GPC6: variants seen among roughly 807,000 people sequenced by gnomAD.
GPC6 encodes glypican 6.
GPC6 carries 14 observed loss-of-function variants against 55.2 expected under a neutral mutation model. That is an observed-to-expected ratio of 0.25 (90% CI 0.17 to 0.40). The LOEUF is 0.40. GPC6 is among the 10% of genes least tolerant of loss of function. GPC6 has a pLI of 1.00. For missense variants in GPC6, 641 were observed against 708.5 expected (o/e 0.90, Z 1.08); for synonymous variants, 278 against 259.6 (o/e 1.07, Z -0.68).
intron 3 of GPC6, among the ~76,000 whole-genome samples, chr13:93,995,810 A>G (rs956149199): frequency 6.6e-6 from 1 of 152,176 alleles, no homozygotes; most frequent in Non-Finnish European, 1.5e-5. Context: ...TGGGGATAGG[A>G]AATGAATGTT....
At chr13:93,266,753 A>C (rs979822069) in intron 1 of GPC6, among the ~76,000 whole-genome samples, 1 of 152,216 alleles carries the variant, frequency 6.6e-6, no homozygotes, top group Admixed American at 6.5e-5. Flanking sequence ...GAATTTAAGG[A>C]GATTAAATGT....
At chr13:93,896,963 T>C (rs1015604196) in intron 3 of GPC6, among the ~76,000 whole-genome samples, 12 of 150,104 alleles carry the variant, frequency 8.0e-5, no homozygotes, top group African/African-American at 2.9e-4. Context: ...CTGGATAGAA[T>C]GTGGGTTTAA....
At chr13:93,584,337 T>TG (rs560293170) in intron 2 of GPC6, among the ~76,000 whole-genome samples, 28 of 152,254 alleles carry the variant, frequency 1.8e-4, no homozygotes, top group South Asian at 1.7e-3. Flanking sequence ...CAGGTATCTT[T>TG]GGGGGGGTCC....
chr13:94,278,305 C>G (rs896249170), intron 4 of GPC6, among the ~76,000 whole-genome samples: 1 of 152,016 alleles, frequency 6.6e-6, no homozygotes, highest in Non-Finnish European at 1.5e-5. Context: ...AGACTTTGCT[C>G]AAGTTGCTTA....
chr13:93,521,255 A>G (rs190225179), intron 1 of GPC6, among the ~76,000 whole-genome samples: 1 of 152,098 alleles, frequency 6.6e-6, no homozygotes, highest in East Asian at 1.9e-4. Flanking sequence ...TAAGAGAGAT[A>G]CAGAAGTCTA....
intron 4 of GPC6, among the ~76,000 whole-genome samples, chr13:94,197,687 C>A (rs1185750379): frequency 2.0e-5 from 3 of 152,068 alleles, no homozygotes; most frequent in African/African-American, 4.8e-5. Flanking sequence ...TCAACATGTG[C>A]CTCTTTAGGG....
intron 1 of GPC6, among the ~76,000 whole-genome samples, chr13:93,357,933 T>C (rs1880908563): frequency 6.6e-6 from 1 of 152,194 alleles, no homozygotes; most frequent in African/African-American, 2.4e-5. Flanking sequence ...TGCATGTGTA[T>C]CTTTGAAGAA....
At chr13:93,571,150 G>C (rs1876385046) in intron 2 of GPC6, among the ~76,000 whole-genome samples, 1 of 152,036 alleles carries the variant, frequency 6.6e-6, no homozygotes, top group African/African-American at 2.4e-5. Context: ...GTATTGAGTG[G>C]AAGAGGTAAC....
rs529532664 is a variant in GPC6 at position 93,612,327 on chromosome 13, G to A, written c.319+66906G>A. ...ATTCTGGCTAACATGGTGAAACCCTGTCTCTACTAAAAATGCAAAAAATTA... is the reference window on the plus strand; with the variant it reads ...ATTCTGGCTAACATGGTGAAACCCTATCTCTACTAAAAATGCAAAAAATTA... On this transcript the variant is annotated intron_variant, in intron 2 of 8. Transcript: ENST00000377047. Among the ~76,000 whole-genome samples, 3 of 152,148 alleles carry A rather than the reference G, an allele frequency of 2.0e-5. No homozygotes were observed. In the South Asian group the frequency reaches 6.2e-4, roughly 32 times the overall value.
chr13:93,262,955 A>C lies in GPC6; in HGVS notation c.160+35339A>C, dbSNP rs546494455. ...AGAAAAGGGAGTGGAGGCATACTCAAGAGAGAGTCATACAAATGGAGTCTG... is the reference window on the plus strand; with the variant it reads ...AGAAAAGGGAGTGGAGGCATACTCACGAGAGAGTCATACAAATGGAGTCTG... On this transcript the variant is annotated intron_variant, in intron 1 of 8. Coordinates refer to ENST00000377047, the MANE Select transcript of GPC6 (RefSeq NM_005708.5). 3.3e-5 allele frequency among the ~76,000 whole-genome samples: 5 copies of C among 152,268 alleles called. No homozygotes were observed. The East Asian group carries it at 9.6e-4, about 29-fold the overall frequency.
At chr13:94,365,037 G>A (rs752244315) in intron 6 of GPC6, among the ~76,000 whole-genome samples, 4 of 152,212 alleles carry the variant, frequency 2.6e-5, no homozygotes, top group Non-Finnish European at 2.9e-5. Flanking sequence ...CATTGTGCTA[G>A]GAGATGGGAC....
intron 1 of GPC6, among the ~76,000 whole-genome samples, chr13:93,239,721 G>T (rs563040645): frequency 6.6e-6 from 1 of 151,326 alleles, no homozygotes; most frequent in Non-Finnish European, 1.5e-5. Flanking sequence ...GTGTGACATT[G>T]GTTGTCAATT....
chr13:93,593,019 A>G (rs1877561196), intron 2 of GPC6, among the ~76,000 whole-genome samples: 1 of 152,134 alleles, frequency 6.6e-6, no homozygotes, highest in African/African-American at 2.4e-5. Flanking sequence ...GTGGATAACA[A>G]TGTAAAAGAT....
intron 1 of GPC6, among the ~76,000 whole-genome samples, chr13:93,497,690 A>T (rs963753942): frequency 1.3e-5 from 2 of 152,250 alleles, no homozygotes; most frequent in Admixed American, 6.5e-5. Context: ...TAAATTATTC[A>T]AGTTAAAATA....
At chr13:93,578,114 G>T (rs571265882) in intron 2 of GPC6, among the ~76,000 whole-genome samples, 46 of 152,188 alleles carry the variant, frequency 3.0e-4, no homozygotes, top group Admixed American at 2.9e-3. Flanking sequence ...GTATTTTGTT[G>T]AGGATTTTTG....
At chr13:93,472,192 T>A (rs1474333283) in intron 1 of GPC6, among the ~76,000 whole-genome samples, 1 of 152,198 alleles carries the variant, frequency 6.6e-6, no homozygotes, top group Non-Finnish European at 1.5e-5. Context: ...TTTTATATTA[T>A]CTTGAACATT....
chr13:93,410,823 G>C (rs1295062976), intron 1 of GPC6, among the ~76,000 whole-genome samples: 1 of 152,066 alleles, frequency 6.6e-6, no homozygotes, highest in Admixed American at 6.6e-5. Flanking sequence ...GACAAGTCTC[G>C]CTAGAGGGAC....
chr13:93,964,789 G>C (rs1194664228), intron 3 of GPC6, among the ~76,000 whole-genome samples: 2 of 152,098 alleles, frequency 1.3e-5, no homozygotes, highest in Non-Finnish European at 2.9e-5. Flanking sequence ...TTATCATACT[G>C]CATTATTCAC....
chr13:94,259,921 C>A (rs1031098447), intron 4 of GPC6, among the ~76,000 whole-genome samples: 1 of 152,058 alleles, frequency 6.6e-6, no homozygotes, highest in African/African-American at 2.4e-5. Context: ...CACACGCACA[C>A]GATATTTTGT....
Sources: gnomAD v4.1 joint callset for allele counts (sites outside exome capture counted in the v4.1 genomes callset) on GRCh38, gnomAD v4.1.1 for gene constraint, MANE v1.5 for transcripts, NCBI Gene and HGNC (gene_info 2026-07-23, HGNC 2026-07-21) for gene names.